The following PDE8B variants were observed in gnomAD, a reference collection of about 807,000 sequenced individuals.
The protein encoded by PDE8B is phosphodiesterase 8B.
Under a neutral mutation model 101.3 loss-of-function variants are expected in PDE8B, and 26 were observed. The observed-to-expected ratio is 0.26, with a 90% CI of 0.19 to 0.36. The LOEUF (loss-of-function observed/expected upper bound fraction) is 0.36. Among genes scored for constraint, PDE8B ranks in the 10% least tolerant of loss-of-function variants. PDE8B has a pLI of 1.00. For missense variants in PDE8B, 810 were observed against 1,163.1 expected (o/e 0.70, Z 4.42); for synonymous variants, 424 against 429.3 (o/e 0.99, Z 0.15).
intron 1 of PDE8B, among the ~76,000 whole-genome samples, chr5:77,216,808 G>T (rs1389429068): frequency 6.6e-6 from 1 of 152,138 alleles, no homozygotes; most frequent in Admixed American, 6.5e-5. Flanking sequence ...GAAACCAGAG[G>T]GAAAAGGAAT....
intron 1 of PDE8B, among the ~76,000 whole-genome samples, chr5:77,214,841 A>T (rs1213512824): frequency 6.6e-6 from 1 of 152,102 alleles, no homozygotes; most frequent in Non-Finnish European, 1.5e-5. Flanking sequence ...GGGCCTGAGA[A>T]TTTGAATTTC....
the PDE8B span, among the ~76,000 whole-genome samples, chr5:77,196,131 A>G: frequency 6.6e-6 from 1 of 152,046 alleles, no homozygotes; most frequent in Non-Finnish European, 1.5e-5. Flanking sequence ...AGTTTTTTGT[A>G]GTTGAGTTAT....
At chr5:77,381,322 A>G (rs889873806) in intron 10 of PDE8B, among the ~76,000 whole-genome samples, 6 of 152,216 alleles carry the variant, frequency 3.9e-5, no homozygotes, top group Non-Finnish European at 7.3e-5. Flanking sequence ...AAGTGACTTT[A>G]CAGGATTGGA....
At chr5:77,271,008 A>ATGC (rs1335741406) in intron 1 of PDE8B, among the ~76,000 whole-genome samples, 3 of 152,198 alleles carry the variant, frequency 2.0e-5, no homozygotes, top group African/African-American at 7.2e-5. Flanking sequence ...TATGGAATCC[A>ATGC]TGCAATGATG....
At chr5:77,260,804 G>A (rs1164076198) in intron 1 of PDE8B, among the ~76,000 whole-genome samples, 1 of 151,884 alleles carries the variant, frequency 6.6e-6, no homozygotes, top group Non-Finnish European at 1.5e-5. Flanking sequence ...ATGTTGGCCA[G>A]GCTGGTCTTG....
At chr5:77,107,712 A>C in the PDE8B span, among the ~76,000 whole-genome samples, 29 of 152,334 alleles carry the variant, frequency 1.9e-4, no homozygotes, top group Middle Eastern at 0.01. Flanking sequence ...TGGTCTGGCA[A>C]TTCTAAACAA....
the PDE8B span, among the ~76,000 whole-genome samples, chr5:77,121,731 C>T: frequency 6.6e-6 from 1 of 152,170 alleles, no homozygotes; most frequent in South Asian, 2.1e-4. Context: ...TGGTCTTGAA[C>T]TCCTGACCTC....
At chr5:77,091,524 C>A in the PDE8B span, among the ~76,000 whole-genome samples, 3 of 152,118 alleles carry the variant, frequency 2.0e-5, no homozygotes, top group African/African-American at 4.8e-5. Flanking sequence ...TCCCTATAAG[C>A]CCAGCTACCT....
chr5:77,332,530 C>G (rs916726183), intron 5 of PDE8B, among the ~76,000 whole-genome samples: 3 of 152,310 alleles, frequency 2.0e-5, no homozygotes, highest in Middle Eastern at 3.4e-3. Context: ...GTCTCAAGAT[C>G]TCTTGGTAAG....
At chr5:77,159,302 G>A in the PDE8B span, among the ~76,000 whole-genome samples, 1 of 152,174 alleles carries the variant, frequency 6.6e-6, no homozygotes, top group Non-Finnish European at 1.5e-5. Flanking sequence ...ATTATAATTT[G>A]AGTCGGTGGG....
At chr5:77,319,567 T>C (rs1441997335) in intron 2 of PDE8B, among the ~76,000 whole-genome samples, 14 of 152,192 alleles carry the variant, frequency 9.2e-5, no homozygotes, top group Non-Finnish European at 2.1e-4. Context: ...GTAAATGGAC[T>C]TAGAGGAGAA....
intron 5 of PDE8B, among the ~76,000 whole-genome samples, chr5:77,335,260 A>T (rs1777917394): frequency 6.6e-6 from 1 of 152,226 alleles, no homozygotes; most frequent in South Asian, 2.1e-4. Context: ...TGTTTTTACA[A>T]AACATGAGCT....
chr5:77,273,544 A>G (rs993893831), intron 1 of PDE8B, among the ~76,000 whole-genome samples: 2 of 152,192 alleles, frequency 1.3e-5, no homozygotes, highest in African/African-American at 2.4e-5. Flanking sequence ...AAACACAACA[A>G]TGTGAGATGC....
At chr5:77,156,759 C>T in the PDE8B span, among the ~76,000 whole-genome samples, 1 of 152,034 alleles carries the variant, frequency 6.6e-6, no homozygotes, top group Non-Finnish European at 1.5e-5. Context: ...CCTCACTCTT[C>T]CTCTGTTCAC....
At chr5:77,419,015 G>A (rs1369612195) in intron 18 of PDE8B, among the ~76,000 whole-genome samples, 1 of 152,208 alleles carries the variant, frequency 6.6e-6, no homozygotes, top group Non-Finnish European at 1.5e-5. Context: ...AGTGTACAGA[G>A]AACATGGAGC....
At position 77,409,077 on chromosome 5, in the gene PDE8B, C is replaced by G; in HGVS notation, c.1530+20C>G. 6.2e-7 allele frequency: 1 copy of G among 1,611,106 alleles called. No individual in the cohort carries two copies. Among genetic ancestry groups the G allele is most frequent in the African/African-American group, 1.3e-5 (1 of 74,976 alleles). ...ATGACTGTGAGTGATGAGGCAAAACCTGAAAAGCAAGAGAGGTATCCGGGG... is the reference window on the plus strand; with the variant it reads ...ATGACTGTGAGTGATGAGGCAAAACGTGAAAAGCAAGAGAGGTATCCGGGG... On this transcript the variant is annotated intron_variant, in intron 14 of 21. Transcript: ENST00000264917.
chr5:77,240,684 A>G (rs1580510056), intron 1 of PDE8B, among the ~76,000 whole-genome samples: 1 of 152,234 alleles, frequency 6.6e-6, no homozygotes, highest in African/African-American at 2.4e-5. Flanking sequence ...TTATTCAAAC[A>G]CATTCAAATT....
intron 10 of PDE8B, among the ~76,000 whole-genome samples, chr5:77,376,958 GT>G (rs1786256073): frequency 6.6e-6 from 1 of 152,146 alleles, no homozygotes; most frequent in Non-Finnish European, 1.5e-5. Context: ...AGGCATGTGG[GT>G]TTACACAGAA....
chr5:77,097,727 A>ATATATATATGTATG, the PDE8B span, among the ~76,000 whole-genome samples: 2 of 61,948 alleles, frequency 3.2e-5, no homozygotes, highest in Admixed American at 5.0e-4. Context: ...ATATATATAT[A>ATATATATATGTATG]TATATACATA....
Sources: allele counts gnomAD v4.1 joint callset (sites outside exome capture counted in the v4.1 genomes callset), GRCh38; gene constraint gnomAD v4.1.1; transcripts MANE v1.5; gene names NCBI Gene and HGNC (gene_info 2026-07-23, HGNC 2026-07-21).